MEGF11: variants seen among roughly 807,000 people sequenced by gnomAD.
MEGF11 encodes the protein multiple EGF like domains 11.
Under a neutral mutation model 146.6 loss-of-function variants are expected in MEGF11, and 126 were observed. That is an observed-to-expected ratio of 0.86 (90% CI 0.74 to 1.00). The LOEUF (loss-of-function observed/expected upper bound fraction) is 1.00, where lower values mean the gene tolerates loss of function less well. Ranked by LOEUF, MEGF11 falls within the 50% of genes least tolerant of loss-of-function variation. The pLI is 0.00. For missense variants in MEGF11, 1,509 were observed against 1,521.2 expected (o/e 0.99, Z 0.13); for synonymous variants, 532 against 583.4 (o/e 0.91, Z 1.27).
intron 5 of MEGF11, among the ~76,000 whole-genome samples, chr15:66,033,091 A>G (rs1210297769): frequency 6.6e-6 from 1 of 151,526 alleles, no homozygotes; most frequent in East Asian, 1.9e-4. Flanking sequence ...AAAAAAAAAA[A>G]AAAAAAAAAA....
chr15:66,011,839 T>A (rs962566852), intron 5 of MEGF11, among the ~76,000 whole-genome samples: 1 of 152,080 alleles, frequency 6.6e-6, no homozygotes, highest in Non-Finnish European at 1.5e-5. Context: ...AAGATAATTT[T>A]GTGCAAATAA....
In MEGF11 at chr15:66,062,734, CTAA is replaced by C. The variant is rs201192845; in HGVS notation, c.394+31665_394+31667del. ...GAGTTCTTTCTACAGCAATAGAAAG[CTAA>C]TAAGGTGACATAGTGAGCTTTGTAG... On this transcript the variant is annotated intron_variant, in intron 5 of 25. Transcript: ENST00000395614. 3.1e-3 allele frequency among the ~76,000 whole-genome samples: 479 copies of C among 152,282 alleles called. 3 individuals carry two copies. The highest frequency in any genetic ancestry group is 0.011 in the African/African-American group (460 of 41,578).
intron 5 of MEGF11, among the ~76,000 whole-genome samples, chr15:66,086,156 G>T (rs569429564): frequency 6.6e-6 from 1 of 152,038 alleles, no homozygotes; most frequent in African/African-American, 2.4e-5. Flanking sequence ...AAGAAGTCTG[G>T]GATTATATTA....
chr15:66,077,588 C>T (rs1011321983), intron 5 of MEGF11, among the ~76,000 whole-genome samples: 1 of 152,226 alleles, frequency 6.6e-6, no homozygotes, highest in Admixed American at 6.5e-5. Context: ...TACCAGATTC[C>T]ATGTAACACT....
intron 5 of MEGF11, among the ~76,000 whole-genome samples, chr15:66,056,270 G>A (rs1304532193): frequency 6.6e-6 from 1 of 151,446 alleles, no homozygotes; most frequent in African/African-American, 2.4e-5. Flanking sequence ...GGGAGGGGCT[G>A]TAGAGGGGGC....
chr15:65,924,297 T>C (rs1004872315), intron 13 of MEGF11, among the ~76,000 whole-genome samples: 1 of 145,268 alleles, frequency 6.9e-6, no homozygotes, highest in Non-Finnish European at 1.5e-5. Flanking sequence ...CTGTAATGTC[T>C]CAGTTTTGCA....
chr15:66,110,927 C>T (rs1025213854), intron 4 of MEGF11, among the ~76,000 whole-genome samples: 16 of 152,166 alleles, frequency 1.1e-4, no homozygotes, highest in African/African-American at 3.9e-4. Context: ...AGTATAGCTT[C>T]AGTCCCCTCC....
intron 25 of MEGF11, 165 bp from the exon 26 acceptor site, chr15:65,898,259 T>G (rs750992140): frequency 1.0e-6 from 1 of 985,336 alleles, no homozygotes. Context: ...GATGGAAAAC[T>G]AAGTGAATGT....
intron 5 of MEGF11, among the ~76,000 whole-genome samples, chr15:66,079,084 A>AGGGGCAG (rs1309308131): frequency 6.6e-6 from 1 of 152,078 alleles, no homozygotes; most frequent in Non-Finnish European, 1.5e-5. Context: ...CCCTGGTCTG[A>AGGGGCAG]GGGGCAGTGG....
intron 4 of MEGF11, among the ~76,000 whole-genome samples, chr15:66,100,085 G>T (rs1211510466): frequency 6.6e-6 from 1 of 152,182 alleles, no homozygotes; most frequent in East Asian, 1.9e-4. Flanking sequence ...CTTTGGGGGG[G>T]AAATGTGAGC....
intron 5 of MEGF11, among the ~76,000 whole-genome samples, chr15:66,042,296 G>A (rs531682156): frequency 2.4e-4 from 36 of 151,988 alleles, no homozygotes; most frequent in Non-Finnish European, 3.8e-4. Context: ...TTTTAGTAGA[G>A]ACGGGGTTTC....
At chr15:66,175,297 T>C (rs1030799503) in intron 1 of MEGF11, among the ~76,000 whole-genome samples, 8 of 152,174 alleles carry the variant, frequency 5.3e-5, no homozygotes, top group Admixed American at 2.6e-4. Flanking sequence ...CCAATGACAG[T>C]CTTCACAGAA....
At chr15:65,915,906 C>CG (rs575059255) in intron 18 of MEGF11, among the ~76,000 whole-genome samples, 231 of 152,330 alleles carry the variant, frequency 1.5e-3, no homozygotes, top group African/African-American at 5.3e-3. Context: ...CTGCCTCCCA[C>CG]TATTCTCTCA....
Position 66,238,362 on chromosome 15 carries a change from G to A in MEGF11, c.-9+15243C>T, listed in dbSNP as rs111469753. ...GATTCCCTCAGGGACTCAGATGCTCGAGTAAAAAGAAAATGCATGTGTTGC... is the reference window on the plus strand; with the variant it reads ...GATTCCCTCAGGGACTCAGATGCTCAAGTAAAAAGAAAATGCATGTGTTGC... On this transcript the variant is annotated intron_variant, in intron 1 of 25. Coordinates refer to ENST00000395614, the MANE Select transcript of MEGF11 (RefSeq NM_001385028.1). Among the ~76,000 whole-genome samples the A allele has an allele frequency of 6.6e-5, 10 of 152,334 alleles. 1 individual carries two copies. The highest frequency in any genetic ancestry group is 5.2e-4 in the Admixed American group (8 of 15,308).
chr15:65,922,888 G>T lies in MEGF11; in HGVS notation c.1757C>A (p.Ser586Tyr). Residue 586 changes from serine to tyrosine, a missense_variant, in exon 14 of 26, where the codon TCC becomes TAC. Physicochemically the swap from Ser to Tyr is moderately radical, Grantham distance 144. Coordinates refer to ENST00000395614, the MANE Select transcript of MEGF11 (RefSeq NM_001385028.1). ...GCAGCTCCCATCCTCTGGGGAGCAG[G>T]AGCCTCCATTCTCACAGCTGCAGGA... ...SVSCSCENGGSCSPEDGSCEC... is the reference protein window; with the variant it reads ...SVSCSCENGGYCSPEDGSCEC... 1 of 1,613,202 alleles carries T rather than the reference G, an allele frequency of 6.2e-7. No homozygotes were observed. The highest frequency in any genetic ancestry group is 8.5e-7 in the Non-Finnish European group (1 of 1,179,706).
At chr15:66,000,329 G>A (rs1224818949) in intron 5 of MEGF11, among the ~76,000 whole-genome samples, 4 of 152,150 alleles carry the variant, frequency 2.6e-5, no homozygotes, top group African/African-American at 9.7e-5. Flanking sequence ...AAGAGTTCAA[G>A]GCCGGCTTGG....
At chr15:66,042,014 C>T (rs770084007) in intron 5 of MEGF11, among the ~76,000 whole-genome samples, 1 of 152,112 alleles carries the variant, frequency 6.6e-6, no homozygotes, top group Non-Finnish European at 1.5e-5. Flanking sequence ...CCTCGACCCC[C>T]AGGACAAGGA....
At chr15:65,965,718 T>C (rs1321792202) in intron 8 of MEGF11, among the ~76,000 whole-genome samples, 1 of 149,632 alleles carries the variant, frequency 6.7e-6, no homozygotes, top group Non-Finnish European at 1.5e-5. Flanking sequence ...ACACCAAACC[T>C]GTCGGCCCCT....
At chr15:66,147,747 C>G (rs1201636791) in intron 1 of MEGF11, among the ~76,000 whole-genome samples, 1 of 150,004 alleles carries the variant, frequency 6.7e-6, no homozygotes, top group East Asian at 1.9e-4. Flanking sequence ...GGGGGCTCAG[C>G]CCCAGAACAC....
Sources: allele counts gnomAD v4.1 joint callset (sites outside exome capture counted in the v4.1 genomes callset), GRCh38; gene constraint gnomAD v4.1.1; transcripts MANE v1.5; gene names NCBI Gene and HGNC (gene_info 2026-07-23, HGNC 2026-07-21).